ARHGEF4: variants seen among roughly 807,000 people sequenced by gnomAD.
ARHGEF4 encodes the protein APC-stimulated guanine nucleotide exchange factor 1.
In ARHGEF4, 119 loss-of-function variants were observed where a neutral mutation model predicts 162.0. The observed-to-expected ratio is 0.73, with a 90% CI of 0.63 to 0.86. ARHGEF4 has a LOEUF of 0.86. Among genes scored for constraint, ARHGEF4 ranks in the 40% least tolerant of loss-of-function variants. The pLI, the probability that ARHGEF4 is intolerant of heterozygous loss-of-function variation, is 0.00. For missense variants in ARHGEF4, 2,488 were observed against 2,456.0 expected, an observed-to-expected ratio of 1.01 and a Z score of -0.28; for synonymous variants, 1,014 against 979.9, an observed-to-expected ratio of 1.03 and a Z score of -0.65.
intron 1 of ARHGEF4, among the ~76,000 whole-genome samples, chr2:130,846,974 T>TGCCAAGCCC (rs1212096783): frequency 6.6e-6 from 1 of 152,182 alleles, no homozygotes; most frequent in African/African-American, 2.4e-5. Flanking sequence ...CACAGACATG[T>TGCCAAGCCC]GCCAAGCCCT....
chr2:131,011,535 A>G (rs558270323), intron 4 of ARHGEF4: 16 of 1,232,628 alleles, frequency 1.3e-5, no homozygotes, highest in South Asian at 4.6e-5. Flanking sequence ...TCCCGTGAAT[A>G]TCAGGACCTC....
intron 4 of ARHGEF4, among the ~76,000 whole-genome samples, chr2:130,976,786 C>T (rs1162243056): frequency 2.6e-5 from 4 of 152,192 alleles, no homozygotes; most frequent in African/African-American, 4.8e-5. Flanking sequence ...CCAAGCACAG[C>T]CTCGCCTGCA....
intron 4 of ARHGEF4, among the ~76,000 whole-genome samples, chr2:130,955,529 TACAGCA>T (rs1684213697): frequency 6.6e-6 from 1 of 152,190 alleles, no homozygotes. Flanking sequence ...CTAAAGGAGA[TACAGCA>T]CTGGGTATGC....
chr2:130,898,279 G>A (rs16856319), intron 1 of ARHGEF4, among the ~76,000 whole-genome samples: 6,398 of 152,240 alleles, frequency 0.042, 274 homozygotes, highest in East Asian at 0.2. Flanking sequence ...GCCGGGCACC[G>A]CTGCGTTCAC....
chr2:130,968,786 C>T (rs1222951697), intron 4 of ARHGEF4, among the ~76,000 whole-genome samples: 10 of 152,050 alleles, frequency 6.6e-5, no homozygotes, highest in Non-Finnish European at 1.3e-4. Context: ...GGTGTGGTGG[C>T]ACGCGCCTGT....
At chr2:130,925,426 A>G (rs1171877399) in intron 2 of ARHGEF4, among the ~76,000 whole-genome samples, 3 of 152,228 alleles carry the variant, frequency 2.0e-5, no homozygotes, top group Admixed American at 6.5e-5. Context: ...TCCAAAGCAA[A>G]AAAAGAAAAA....
In ARHGEF4 at chr2:131,045,354, G is replaced by C. The variant is rs772066227; in HGVS notation, c.5402-15G>C. On this transcript the variant is annotated splice_polypyrimidine_tract_variant and intron_variant, in intron 12 of 13. Transcript: ENST00000409359. ...ACGAAGTGGGGCAGCGCCCTCACCT[G>C]TGCCCCTTCCTCAGGCTTCTCCATC... 1 of 1,610,762 alleles carries C rather than the reference G, an allele frequency of 6.2e-7. No individual in the cohort carries two copies. Among genetic ancestry groups the C allele is most frequent in the South Asian group, 1.1e-5 (1 of 90,870 alleles).
intron 4 of ARHGEF4, among the ~76,000 whole-genome samples, chr2:130,999,728 G>A (rs1236270455): frequency 2.6e-5 from 4 of 151,920 alleles, no homozygotes; most frequent in Non-Finnish European, 5.9e-5. Context: ...TTGAGATGGA[G>A]TTTTGCTCTT....
chr2:130,991,143 C>G (rs906415447), intron 4 of ARHGEF4, among the ~76,000 whole-genome samples: 7 of 152,232 alleles, frequency 4.6e-5, no homozygotes, highest in Non-Finnish European at 1.0e-4. Flanking sequence ...GTGTGCCACT[C>G]ATGATGGTGT....
At position 130,841,355 on chromosome 2, in the gene ARHGEF4, C is replaced by T. The variant is rs575209926; in HGVS notation, c.39+4363C>T. 7.6e-4 allele frequency among the ~76,000 whole-genome samples: 114 copies of T among 150,652 alleles called. 1 individual carries two copies. Among genetic ancestry groups the T allele is most frequent in the African/African-American group, 2.6e-3 (105 of 40,984 alleles). On this transcript the variant is annotated intron_variant, in intron 1 of 13. Transcript: ENST00000409359. ...CTGGGATTACAAGCATGAGCCACCG[C>T]GCCAGGCCTAGAAAGCTTTTTTTTT...
chr2:130,890,495 A>G lies in ARHGEF4; in HGVS notation c.40-23491A>G, dbSNP rs1257592820. 2.6e-5 allele frequency among the ~76,000 whole-genome samples: 4 copies of G among 151,598 alleles called. No individual in the cohort carries two copies. In the East Asian group the frequency reaches 5.8e-4, roughly 22 times the overall value. ...GAGAATTGCTTGAAACCGGGAGGCT[A>G]TGGTTGCAGTGAGCCAAGATCACGC... On this transcript the variant is annotated intron_variant, in intron 1 of 13. Coordinates refer to ENST00000409359, the MANE Select transcript of ARHGEF4 (RefSeq NM_001367493.1).
At chr2:130,943,461 T>A (rs1386233631) in intron 3 of ARHGEF4, among the ~76,000 whole-genome samples, 1 of 152,166 alleles carries the variant, frequency 6.6e-6, no homozygotes, top group Non-Finnish European at 1.5e-5. Flanking sequence ...TTATTGATGG[T>A]TTGGATTTAG....
chr2:131,040,287 C>T lies in ARHGEF4; in HGVS notation c.4509C>T (p.Arg1503=), dbSNP rs143689695. Reference sequence around the variant, plus strand: ...GCTACGTCCGGCAGTGCCGCAAGCGCGCAGACATGTTCAGCGAGGAGCAGC... The same window carrying T: ...GCTACGTCCGGCAGTGCCGCAAGCGTGCAGACATGTTCAGCGAGGAGCAGC... ...CEGYVRQCRK[R]ADMFSEEQLR... Residue 1503 remains arginine (R), a synonymous_variant, in exon 8 of 14, where the codon CGC becomes CGT. Coordinates refer to ENST00000409359, the MANE Select transcript of ARHGEF4 (RefSeq NM_001367493.1). 9 of 1,612,996 alleles carry T rather than the reference C, an allele frequency of 5.6e-6. No individual in the cohort carries two copies. The highest frequency in any genetic ancestry group is 7.6e-6 in the Non-Finnish European group (9 of 1,179,786).
intron 12 of ARHGEF4, 66 bp downstream of exon 12, chr2:131,044,608 G>A (rs1165832557): frequency 1.5e-5 from 23 of 1,513,666 alleles, no homozygotes; most frequent in Admixed American, 2.1e-5. Flanking sequence ...CTGCCTGGCC[G>A]CCTGCCGGTC....
At chr2:131,002,204 T>C (rs942112143) in intron 4 of ARHGEF4, among the ~76,000 whole-genome samples, 3 of 152,192 alleles carry the variant, frequency 2.0e-5, no homozygotes, top group African/African-American at 7.2e-5. Flanking sequence ...TTTAAAAATT[T>C]AAAAGCTTTA....
intron 1 of ARHGEF4, among the ~76,000 whole-genome samples, chr2:130,882,580 G>C (rs996221817): frequency 6.6e-6 from 1 of 151,954 alleles, no homozygotes; most frequent in Admixed American, 6.5e-5. Flanking sequence ...TGGAAGTTAG[G>C]ATTTCAACAT....
At chr2:131,026,575 T>A (rs1031439881) in intron 4 of ARHGEF4, among the ~76,000 whole-genome samples, 1 of 152,118 alleles carries the variant, frequency 6.6e-6, no homozygotes, top group African/African-American at 2.4e-5. Flanking sequence ...AGCAATTCAA[T>A]AGACAAATGG....
intron 4 of ARHGEF4, among the ~76,000 whole-genome samples, chr2:131,012,536 G>A (rs1201059965): frequency 1.4e-5 from 2 of 146,854 alleles, no homozygotes; most frequent in East Asian, 4.1e-4. Flanking sequence ...TCTAGAGCAA[G>A]AACCAAGGCA....
Position 130,872,878 on chromosome 2 carries a change from C to T in ARHGEF4, c.39+35886C>T, listed in dbSNP as rs573491081. ...TGGTCACCTGCCTGTGTGGAGCCAG[C>T]CCTGAGCCCTGCCTGCAGCTGGCCC... On this transcript the variant is annotated intron_variant, in intron 1 of 13. Transcript: ENST00000409359. 1.2e-4 allele frequency among the ~76,000 whole-genome samples: 19 copies of T among 152,306 alleles called. No homozygotes were observed. In the East Asian group the frequency reaches 3.7e-3, roughly 29 times the overall value.
Sources: gnomAD v4.1 joint callset for allele counts (sites outside exome capture counted in the v4.1 genomes callset) on GRCh38, gnomAD v4.1.1 for gene constraint, MANE v1.5 for transcripts, NCBI Gene and HGNC (gene_info 2026-07-23, HGNC 2026-07-21) for gene names.